SFXN5: variants seen among roughly 807,000 people sequenced by gnomAD.
SFXN5 encodes sideroflexin 5.
A neutral mutation model predicts 50.2 loss-of-function variants in SFXN5; 43 were observed. The observed-to-expected ratio is 0.86, with a 90% CI of 0.67 to 1.11. SFXN5 has a LOEUF of 1.11. SFXN5 is among the 50% of genes least tolerant of loss of function. The probability of loss-of-function intolerance (pLI) is 0.00; values close to 1 mark genes in which losing one functional copy is unlikely to be tolerated. For synonymous variants in SFXN5, 203 were observed against 185.8 expected, an observed-to-expected ratio of 1.09 and a Z score of -0.75; for missense variants, 463 against 454.1, an observed-to-expected ratio of 1.02 and a Z score of -0.18.
At position 73,069,846 on chromosome 2, in the gene SFXN5, A is replaced by G. The variant is rs191438590; in HGVS notation, c.102+1758T>C. On this transcript the variant is annotated intron_variant, in intron 1 of 13. Coordinates refer to ENST00000272433, the MANE Select transcript of SFXN5 (RefSeq NM_144579.3). ...AAAGAAAAAAAAAAAGGAAACACAA[A>G]TCTTTTACTCGGCACATTACTATAT... Among the ~76,000 whole-genome samples, 4 of 152,252 alleles carry G rather than the reference A, an allele frequency of 2.6e-5. No homozygotes were observed. In the East Asian group the frequency reaches 5.8e-4, roughly 22 times the overall value.
At chr2:72,981,083 G>A (rs917998554) in intron 10 of SFXN5, 3 of 152,134 alleles carry the variant, frequency 2.0e-5, no homozygotes, top group Non-Finnish European at 4.4e-5. Flanking sequence ...ACAGCTTCTG[G>A]GGCCTGTCTA....
chr2:73,035,361 GTTTT>G (rs1302616645), intron 3 of SFXN5, among the ~76,000 whole-genome samples: 1 of 151,924 alleles, frequency 6.6e-6, no homozygotes, highest in Non-Finnish European at 1.5e-5. Context: ...CCATGGTTTT[GTTTT>G]TTTAACTGAT....
intron 13 of SFXN5, among the ~76,000 whole-genome samples, chr2:72,956,514 T>C (rs1254239203): frequency 6.6e-6 from 1 of 151,738 alleles, no homozygotes; most frequent in Non-Finnish European, 1.5e-5. Flanking sequence ...CTTTCTATAG[T>C]GAGGTGTGGG....
rs1243563558 is a variant in SFXN5, at chr2:72,950,034, G to A, written c.946-4935C>T. 6.6e-6 allele frequency among the ~76,000 whole-genome samples: 1 copy of A among 152,026 alleles called. No homozygotes were observed. The highest frequency in any genetic ancestry group is 6.5e-5 in the Admixed American group (1 of 15,272). The stretch of plus-strand genomic sequence containing the variant: ...AGGCAGATGGGTCCAGGGCTCTGGA[G>A]CTCTGGGCAGGAGAAAGCGCCCGGG... On this transcript the variant is annotated intron_variant, in intron 13 of 13. Coordinates refer to ENST00000272433, the MANE Select transcript of SFXN5 (RefSeq NM_144579.3). The surrounding 1 kb of genome is among the most constrained non-coding windows in gnomAD (Gnocchi z 4.2).
At chr2:72,998,571 T>C (rs1009854034) in intron 9 of SFXN5, 12 of 213,096 alleles carry the variant, frequency 5.6e-5, no homozygotes, top group African/African-American at 2.5e-4. Context: ...AGCAGGCACA[T>C]GGGCAGGCCT....
chr2:73,006,975 G>C (rs1255192374), intron 6 of SFXN5, among the ~76,000 whole-genome samples: 1 of 152,214 alleles, frequency 6.6e-6, no homozygotes. Flanking sequence ...ATGGTAACTT[G>C]CTACAAGAAA....
At position 73,023,127 on chromosome 2, in the gene SFXN5, AG is replaced by A. The variant is rs1488812530; in HGVS notation, c.276+60del. On this transcript the variant is annotated intron_variant, in intron 4 of 13. Coordinates refer to ENST00000272433, the MANE Select transcript of SFXN5 (RefSeq NM_144579.3). ...GGGGCTTCCACTAGATCCCTGGGAC[AG>A]GGCAGGGTGGAGTCCAGGACAACAC... 1.9e-6 allele frequency: 3 copies of A among 1,544,256 alleles called. No homozygotes were observed. In the Admixed American group the frequency reaches 5.5e-5, roughly 29 times the overall value.
chr2:73,002,830 T>C (rs946564075), intron 6 of SFXN5, among the ~76,000 whole-genome samples: 14 of 152,276 alleles, frequency 9.2e-5, no homozygotes, highest in African/African-American at 2.6e-4. Flanking sequence ...CAGTGGCAGC[T>C]TAGGGAATTA....
chr2:73,055,350 C>T (rs1432777327), intron 2 of SFXN5, among the ~76,000 whole-genome samples: 1 of 152,208 alleles, frequency 6.6e-6, no homozygotes, highest in East Asian at 1.9e-4. Context: ...CTTGCCAGAA[C>T]CATATGCATG....
chr2:72,978,189 G>A (rs1249807911), intron 10 of SFXN5, among the ~76,000 whole-genome samples: 2 of 151,340 alleles, frequency 1.3e-5, no homozygotes, highest in South Asian at 2.1e-4. Flanking sequence ...GTCCAATAAA[G>A]TTAAGAAAAG....
rs750242339 is a variant in SFXN5, at chr2:72,968,508, C to T, written c.767G>A (p.Arg256Gln). 1.2e-5 allele frequency: 19 copies of T among 1,613,336 alleles called. 1 individual carries two copies. Among genetic ancestry groups the T allele is most frequent in the Admixed American group, 8.3e-5 (5 of 60,028 alleles). ...CAGGATGGGCATGGGCAGGACCACT[C>T]GCGTCAGCGCCGTCTCCAGCAGGGC... is the stretch of plus-strand genomic sequence containing the variant. ...RHALLETALT[R>Q]VVLPMPILVL... The change falls in exon 12 of 14, where the codon CGA (arginine) becomes CAA (glutamine). Residue 256 changes from arginine to glutamine, a missense_variant. Arg to Gln is a conservative substitution (Grantham distance 43). Coordinates refer to ENST00000272433, the MANE Select transcript of SFXN5 (RefSeq NM_144579.3).
chr2:73,060,230 G>T, intron 1 of SFXN5, among the ~76,000 whole-genome samples: 1 of 152,228 alleles, frequency 6.6e-6, no homozygotes, highest in East Asian at 1.9e-4. Flanking sequence ...GTTGCACCAG[G>T]AAGTAATGAA....
chr2:72,956,988 G>A (rs1332541787), intron 13 of SFXN5: 1 of 456,550 alleles, frequency 2.2e-6, no homozygotes, highest in Admixed American at 2.3e-5. Context: ...ACCCACTCTG[G>A]AGACAGCCCC....
chr2:73,068,135 G>C (rs754512819), intron 1 of SFXN5, among the ~76,000 whole-genome samples: 2 of 152,160 alleles, frequency 1.3e-5, no homozygotes, highest in Admixed American at 6.5e-5. Context: ...AGGGAATAAA[G>C]AGGAGTTCTA....
chr2:73,003,448 G>A (rs1407423007), intron 6 of SFXN5, among the ~76,000 whole-genome samples: 2 of 152,176 alleles, frequency 1.3e-5, no homozygotes, highest in Non-Finnish European at 2.9e-5. Context: ...ACACCACAGG[G>A]TTCCCTTTAT....
chr2:73,015,325 C>T (rs1027705789), intron 6 of SFXN5, among the ~76,000 whole-genome samples: 15 of 152,140 alleles, frequency 9.9e-5, no homozygotes, highest in South Asian at 6.2e-4. Flanking sequence ...TACTTTGATG[C>T]ATTGCTGGAA....
intron 10 of SFXN5, among the ~76,000 whole-genome samples, chr2:72,986,247 C>T (rs768498286): frequency 3.3e-5 from 5 of 152,186 alleles, no homozygotes; most frequent in East Asian, 1.9e-4. Context: ...GGCTGGTTCT[C>T]GGAATTCATT....
intron 4 of SFXN5, 135 bp downstream of exon 4, chr2:73,023,053 G>A: frequency 2.6e-6 from 2 of 762,358 alleles, no homozygotes; most frequent in East Asian, 2.8e-5. Flanking sequence ...CAGAAGGAAG[G>A]GGTGAGGGGG....
intron 2 of SFXN5, among the ~76,000 whole-genome samples, chr2:73,043,211 C>G (rs948526430): frequency 6.6e-6 from 1 of 152,252 alleles, no homozygotes; most frequent in Non-Finnish European, 1.5e-5. Flanking sequence ...CCCAGCGAAG[C>G]TGCTGTGTTC....
Sources: allele counts gnomAD v4.1 joint callset (sites outside exome capture counted in the v4.1 genomes callset), GRCh38; gene constraint gnomAD v4.1.1; non-coding constraint Gnocchi (gnomAD v3.1); transcripts MANE v1.5; gene names NCBI Gene and HGNC (gene_info 2026-07-23, HGNC 2026-07-21).